Variants in NREP observed in about 807,000 individuals in gnomAD.
The protein encoded by NREP is neuronal regeneration related protein.
A neutral mutation model predicts 8.6 loss-of-function variants in NREP; 5 were observed. The ratio of observed to expected loss-of-function variants is 0.58; its 90% CI spans 0.30 to 1.22. The LOEUF is 1.22. NREP is among the 50% of genes most tolerant of loss of function. The pLI is 0.07. For missense variants in NREP, 86 were observed against 82.5 expected (o/e 1.04, Z -0.17); for synonymous variants, 27 against 28.0 (o/e 0.96, Z 0.11).
chr5:111,781,490 G>A (rs915085377), intron 2 of NREP, among the ~76,000 whole-genome samples: 1 of 152,192 alleles, frequency 6.6e-6, no homozygotes, highest in Non-Finnish European at 1.5e-5. Flanking sequence ...TTTTGCAGCT[G>A]AGAGCCCATA....
chr5:111,921,289 C>T (rs1210863804), intron 2 of NREP, among the ~76,000 whole-genome samples: 1 of 152,068 alleles, frequency 6.6e-6, no homozygotes, highest in Non-Finnish European at 1.5e-5. Flanking sequence ...AGCGTTCCTC[C>T]TGAAGTCGAT....
At chr5:111,766,061 C>T (rs1751075460) in intron 2 of NREP, among the ~76,000 whole-genome samples, 1 of 152,176 alleles carries the variant, frequency 6.6e-6, no homozygotes, top group African/African-American at 2.4e-5. Context: ...GACATATAAT[C>T]ATTTACATAT....
chr5:111,758,812 A>G (rs1750885307), upstream of NREP, among the ~76,000 whole-genome samples: 1 of 152,250 alleles, frequency 6.6e-6, no homozygotes, highest in Non-Finnish European at 1.5e-5. Flanking sequence ...CAATTCTAAA[A>G]GAATGCACTG....
At chr5:111,844,879 C>T (rs1472156914) in intron 2 of NREP, among the ~76,000 whole-genome samples, 1 of 151,276 alleles carries the variant, frequency 6.6e-6, no homozygotes, top group Non-Finnish European at 1.5e-5. Flanking sequence ...ATTCTCGAAT[C>T]TTCACAGCAA....
At chr5:111,810,416 C>G (rs765331975) in intron 2 of NREP, among the ~76,000 whole-genome samples, 2 of 152,198 alleles carry the variant, frequency 1.3e-5, no homozygotes, top group South Asian at 4.1e-4. Flanking sequence ...ATCAACTGTA[C>G]TATTTGTTCC....
intron 2 of NREP, among the ~76,000 whole-genome samples, chr5:111,791,948 T>C (rs190177928): frequency 1.3e-5 from 2 of 152,328 alleles, no homozygotes; most frequent in Middle Eastern, 3.4e-3. Context: ...TAGTTCCCAC[T>C]TCAAAGGATT....
intron 2 of NREP, among the ~76,000 whole-genome samples, chr5:111,959,203 G>A (rs1756415579): frequency 6.6e-6 from 1 of 151,920 alleles, no homozygotes; most frequent in South Asian, 2.1e-4. Flanking sequence ...TACAATGGCT[G>A]AACATCAAAA....
intron 2 of NREP, among the ~76,000 whole-genome samples, chr5:111,891,354 G>A (rs747615997): frequency 2.0e-5 from 3 of 152,166 alleles, no homozygotes; most frequent in Non-Finnish European, 4.4e-5. Context: ...ATATCACTAT[G>A]AGCATTTTAG....
At chr5:111,958,851 G>C (rs1756400986) in intron 2 of NREP, among the ~76,000 whole-genome samples, 1 of 151,828 alleles carries the variant, frequency 6.6e-6, no homozygotes, top group African/African-American at 2.4e-5. Context: ...GATAACATTA[G>C]AAGTTTGTGC....
Position 111,884,403 on chromosome 5 carries a change from G to A in NREP, c.135+90871C>T, listed in dbSNP as rs1754180205. On this transcript the variant is annotated intron_variant, in intron 2 of 3. Coordinates refer to the NREP transcript ENST00000395634. ...CGGATTCTACCAGAGGTACAAGGAG[G>A]AACTGGTACCATTCCTTCTGAAACT... Among the ~76,000 whole-genome samples, 3 of 151,872 alleles carry A rather than the reference G, an allele frequency of 2.0e-5. No homozygotes were observed. The South Asian group carries it at 6.2e-4, about 32-fold the overall frequency.
intron 2 of NREP, among the ~76,000 whole-genome samples, chr5:111,935,405 C>G (rs1755655575): frequency 6.6e-6 from 1 of 152,070 alleles, no homozygotes; most frequent in African/African-American, 2.4e-5. Flanking sequence ...CTTTGAACAA[C>G]AGAGACCAAG....
chr5:111,895,401 G>A (rs1387756953), intron 2 of NREP, among the ~76,000 whole-genome samples: 1 of 152,126 alleles, frequency 6.6e-6, no homozygotes, highest in Non-Finnish European at 1.5e-5. Flanking sequence ...GAGTGACAGT[G>A]AAGAACCAGC....
At chr5:111,732,688 A>G (rs1748707830) in intron 3 of NREP, 1 of 146,794 alleles carries the variant, frequency 6.8e-6, no homozygotes, top group Non-Finnish European at 1.5e-5. Context: ...AAGGAAATCC[A>G]CTGTAATCCC....
intron 2 of NREP, among the ~76,000 whole-genome samples, chr5:111,789,046 A>C (rs1751678831): frequency 6.6e-6 from 1 of 152,216 alleles, no homozygotes; most frequent in Non-Finnish European, 1.5e-5. Flanking sequence ...CTGGCTGGGC[A>C]GATTTTGGAC....
chr5:111,779,320 C>G (rs775131532), intron 2 of NREP, among the ~76,000 whole-genome samples: 1 of 152,146 alleles, frequency 6.6e-6, no homozygotes, highest in South Asian at 2.1e-4. Context: ...TTTCCCAGCT[C>G]TAGACGCCAG....
intron 2 of NREP, among the ~76,000 whole-genome samples, chr5:111,751,024 CA>C (rs752853649): frequency 7.8e-4 from 119 of 152,280 alleles, no homozygotes; most frequent in Admixed American, 1.5e-3. Context: ...GTTAAGGATA[CA>C]AATTACTTCT....
At chr5:111,863,862 C>G (rs1049000152) in intron 2 of NREP, among the ~76,000 whole-genome samples, 1 of 152,136 alleles carries the variant, frequency 6.6e-6, no homozygotes, top group Non-Finnish European at 1.5e-5. Flanking sequence ...CAGTTCTTCT[C>G]CATGTGGGAC....
chr5:111,955,030 A>C (rs1312069922), intron 2 of NREP, among the ~76,000 whole-genome samples: 1 of 152,174 alleles, frequency 6.6e-6, no homozygotes, highest in East Asian at 1.9e-4. Flanking sequence ...AGGCTAACTG[A>C]ATTTTCTAGT....
chr5:111,753,502 T>G (rs192756121), intron 2 of NREP, among the ~76,000 whole-genome samples: 1 of 151,826 alleles, frequency 6.6e-6, no homozygotes, highest in Non-Finnish European at 1.5e-5. Context: ...AGTCTAGATA[T>G]TGAGTCACTG....
Sources: gnomAD v4.1 joint callset for allele counts (sites outside exome capture counted in the v4.1 genomes callset) on GRCh38, gnomAD v4.1.1 for gene constraint, MANE v1.5 for transcripts, NCBI Gene and HGNC (gene_info 2026-07-23, HGNC 2026-07-21) for gene names.